Variants in CD99L2 observed in about 807,000 individuals in gnomAD.
CD99L2 encodes the protein CD99 antigen-like protein 2.
In CD99L2, 24 loss-of-function variants were observed where a neutral mutation model predicts 27.3. The observed-to-expected ratio is 0.88, with a 90% CI of 0.64 to 1.24. The LOEUF is 1.24. Ranked by LOEUF, CD99L2 falls within the 50% of genes most tolerant of loss-of-function variation. The pLI is 0.00. For missense variants in CD99L2, 255 were observed against 221.6 expected, an observed-to-expected ratio of 1.15 and a Z score of -0.96; for synonymous variants, 97 against 87.9, an observed-to-expected ratio of 1.10 and a Z score of -0.58.
intron 2 of CD99L2, among the ~76,000 whole-genome samples, chrX:150,824,516 G>GAA (rs2046326249): frequency 1.1e-5 from 1 of 91,166 alleles, no homozygotes; most frequent in African/African-American, 4.1e-5. Flanking sequence ...GAAGAAGGAA[G>GAA]GAAGAAGAAA....
intron 2 of CD99L2, among the ~76,000 whole-genome samples, chrX:150,825,929 C>T (rs1238804104): frequency 8.9e-6 from 1 of 111,765 alleles, no homozygotes; most frequent in African/African-American, 3.3e-5. Context: ...ATGGTAACTG[C>T]TTGGTCTGAA....
Position 150,795,449 on chromosome X carries a change from T to C in CD99L2, c.315A>G (p.Pro105=), listed in dbSNP as rs2045780817. ...TATTTGCTGGAGCTCTGGTGGTTAC[T>C]GGCCTCTTGGTCGTGGTGGTTACAT... ...WNHVTTTTKR[P]VTTRAPANTL... is the part of the protein sequence containing the mutation. The change falls in exon 5 of 11, where the codon CCA becomes CCG. Residue 105 remains proline, a synonymous_variant. Transcript: ENST00000370377. 8.3e-7 allele frequency: 1 copy of C among 1,209,638 alleles called. No individual in the cohort carries two copies. Among genetic ancestry groups the C allele is most frequent in the African/African-American group, 1.8e-5 (1 of 57,058 alleles).
At chrX:150,859,022 A>G (rs1356265591) in intron 1 of CD99L2, among the ~76,000 whole-genome samples, 1 of 112,006 alleles carries the variant, frequency 8.9e-6, no homozygotes, top group Non-Finnish European at 1.9e-5. Context: ...AAAAGGGGAC[A>G]TTACAATTGA....
chrX:150,876,935 G>A (rs982556446), intron 1 of CD99L2, among the ~76,000 whole-genome samples: 31 of 111,151 alleles, frequency 2.8e-4, no homozygotes, highest in Non-Finnish European at 5.5e-4. Context: ...GCTGGAAAAG[G>A]TAGTACAGAA....
chrX:150,846,135 T>C (rs907179273), intron 1 of CD99L2, among the ~76,000 whole-genome samples: 1 of 112,320 alleles, frequency 8.9e-6, no homozygotes, highest in Non-Finnish European at 1.9e-5. Flanking sequence ...GAGGTTGCAG[T>C]GAGCCAAGAT....
At chrX:150,808,583 C>T (rs1307447576) in intron 4 of CD99L2, among the ~76,000 whole-genome samples, 1 of 112,218 alleles carries the variant, frequency 8.9e-6, no homozygotes, top group African/African-American at 3.2e-5. Flanking sequence ...CTGCATAATC[C>T]TCACTCATGA....
chrX:150,873,623 T>G (rs1387866518), intron 1 of CD99L2, among the ~76,000 whole-genome samples: 1 of 111,869 alleles, frequency 8.9e-6, no homozygotes, highest in Non-Finnish European at 1.9e-5. Flanking sequence ...GGATCCTACA[T>G]TCACAGGGAA....
Position 150,876,171 on chromosome X carries a change from C to A in CD99L2, c.67+22351G>T, listed in dbSNP as rs148385330. Among the ~76,000 whole-genome samples, 568 of 112,160 alleles carry A rather than the reference C, an allele frequency of 5.1e-3. 7 individuals are homozygous for A. The highest frequency in any genetic ancestry group is 0.014 in the Middle Eastern group (3 of 218). On this transcript the variant is annotated intron_variant, in intron 1 of 10. Coordinates refer to ENST00000370377, the MANE Select transcript of CD99L2 (RefSeq NM_031462.4). ...GAACATGTGTGTACAGGAAGCCTTACATTTTTCAGAATGCTTTTGTGTTGC... is the reference window on the plus strand; with the variant it reads ...GAACATGTGTGTACAGGAAGCCTTAAATTTTTCAGAATGCTTTTGTGTTGC...
chrX:150,888,164 A>C (rs1024518015), intron 1 of CD99L2, among the ~76,000 whole-genome samples: 1 of 111,870 alleles, frequency 8.9e-6, no homozygotes, highest in African/African-American at 3.3e-5. Flanking sequence ...CAAGTCATAA[A>C]AGACCATGAT....
chrX:150,822,651 A>G (rs1417711707), intron 2 of CD99L2, among the ~76,000 whole-genome samples: 1 of 112,214 alleles, frequency 8.9e-6, no homozygotes, highest in Non-Finnish European at 1.9e-5. Context: ...CCAACAAAAA[A>G]AATGGGTAAT....
chrX:150,793,387 C>G (rs2045727550), intron 7 of CD99L2, among the ~76,000 whole-genome samples: 1 of 112,780 alleles, frequency 8.9e-6, no homozygotes, highest in South Asian at 3.7e-4. Context: ...TCAGAGTCCA[C>G]TGGCCCCCAG....
At chrX:150,893,239 TTC>T (rs201986227) in intron 1 of CD99L2, among the ~76,000 whole-genome samples, 1,546 of 111,821 alleles carry the variant, frequency 0.014, 24 homozygotes, top group African/African-American at 0.047. Flanking sequence ...TCCCCAGACT[TTC>T]TGTCAGACGA....
chrX:150,886,379 A>G (rs1557422626), intron 1 of CD99L2, among the ~76,000 whole-genome samples: 1 of 112,352 alleles, frequency 8.9e-6, no homozygotes, highest in Non-Finnish European at 1.9e-5. Context: ...ATAACATGGT[A>G]GCACAACACA....
intron 1 of CD99L2, among the ~76,000 whole-genome samples, chrX:150,855,220 G>T (rs1197197824): frequency 4.5e-5 from 5 of 112,289 alleles, no homozygotes; most frequent in Non-Finnish European, 1.9e-5. Flanking sequence ...CACTACAGAT[G>T]TAATGAGTTA....
intron 7 of CD99L2, among the ~76,000 whole-genome samples, chrX:150,787,926 A>ATATATATATATATATAT (rs2045625602): frequency 7.7e-5 from 7 of 90,893 alleles, no homozygotes; most frequent in African/African-American, 2.1e-4. Context: ...ATATATATAT[A>ATATATATATATATATAT]AAAGGAGTCC....
chrX:150,847,204 T>C (rs1038255178), intron 1 of CD99L2, among the ~76,000 whole-genome samples: 56 of 112,529 alleles, frequency 5.0e-4, no homozygotes, highest in African/African-American at 1.6e-3. Context: ...TGTCTTCCCT[T>C]GTGCTAGTAA....
Position 150,793,687 on chromosome X carries a change from C to T in CD99L2, c.496+4G>A. 1 of 1,186,750 alleles carries T rather than the reference C, an allele frequency of 8.4e-7. No homozygotes were observed. Among genetic ancestry groups the T allele is most frequent in the African/African-American group, 1.8e-5 (1 of 56,657 alleles). Reference sequence around the variant, plus strand: ...GTTGTGTTGGCACAAATCAATGCTCCTACCTTTACCCTTGTCAGGTTTGTA... The same window carrying T: ...GTTGTGTTGGCACAAATCAATGCTCTTACCTTTACCCTTGTCAGGTTTGTA... On this transcript the variant is annotated splice_donor_region_variant and intron_variant, in intron 7 of 10. Coordinates refer to ENST00000370377, the MANE Select transcript of CD99L2 (RefSeq NM_031462.4).
chrX:150,897,129 T>C (rs782160819), intron 1 of CD99L2, among the ~76,000 whole-genome samples: 16 of 112,659 alleles, frequency 1.4e-4, no homozygotes, highest in Non-Finnish European at 2.6e-4. Flanking sequence ...TACATTTTCC[T>C]ACAAATGCAT....
At chrX:150,820,035 C>T (rs782514464) in intron 2 of CD99L2, among the ~76,000 whole-genome samples, 3 of 111,110 alleles carry the variant, frequency 2.7e-5, no homozygotes, top group Non-Finnish European at 3.8e-5. Flanking sequence ...ATGTTAATAC[C>T]GAAGTCAGAC....
Sources: gnomAD v4.1 joint callset for allele counts (sites outside exome capture counted in the v4.1 genomes callset) on GRCh38, gnomAD v4.1.1 for gene constraint, MANE v1.5 for transcripts, NCBI Gene and HGNC (gene_info 2026-07-23, HGNC 2026-07-21) for gene names.